ZNF626: variants seen among roughly 807,000 people sequenced by gnomAD.
ZNF626 encodes zinc finger protein 626, also known as CTC-513N18.7.
Under a neutral mutation model 11.7 loss-of-function variants are expected in ZNF626, and 4 were observed. The observed-to-expected ratio is 0.34, with a 90% CI of 0.17 to 0.78. The LOEUF is 0.78. Among genes scored for constraint, ZNF626 ranks in the 30% least tolerant of loss-of-function variants. ZNF626 has a pLI of 0.57. For synonymous variants in ZNF626, 179 were observed against 198.6 expected (o/e 0.90, Z 0.83); for missense variants, 588 against 587.1 (o/e 1.00, Z -0.01).
At chr19:20,648,306 A>G (rs782659086) in intron 1 of ZNF626, among the ~76,000 whole-genome samples, 21 of 152,180 alleles carry the variant, frequency 1.4e-4, no homozygotes, top group Non-Finnish European at 2.4e-4. Flanking sequence ...ATCTCCTAAT[A>G]ATTTTTTTCA....
In ZNF626 at chr19:20,624,928, C is replaced by T. The variant is rs782433701; in HGVS notation, c.949G>A (p.Glu317Lys). ...HTGEKPYKCE[E>K]CDKAFKYSYT... Reference sequence around the variant, plus strand: ...GAGTACTTAAAGGCTTTGTCACATTCTTCACATTTGTAGGGTTTTTCTCCA... The same window carrying T: ...GAGTACTTAAAGGCTTTGTCACATTTTTCACATTTGTAGGGTTTTTCTCCA... The change falls in exon 4 of 4, where the codon GAA becomes AAA. Residue 317 changes from glutamate to lysine, a missense_variant. This residue lies in a region of ZNF626 where 524 missense variants were observed against 470.1 expected (regional missense o/e 1.11). Transcript: ENST00000601440. The T allele has an allele frequency of 8.7e-6, 14 of 1,613,554 alleles. No homozygotes were observed. The highest frequency in any genetic ancestry group is 1.1e-5 in the Non-Finnish European group (13 of 1,179,958).
intron 3 of ZNF626, among the ~76,000 whole-genome samples, chr19:20,638,385 A>G (rs1056902657): frequency 6.6e-6 from 1 of 151,606 alleles, no homozygotes; most frequent in African/African-American, 2.4e-5. Context: ...AGATTGCACC[A>G]CTGCACTGCA....
intron 3 of ZNF626, among the ~76,000 whole-genome samples, chr19:20,632,612 C>A (rs189045538): frequency 4.3e-4 from 66 of 152,304 alleles, no homozygotes; most frequent in Non-Finnish European, 3.8e-4. Flanking sequence ...CGTCACATAG[C>A]TCTCGTGCCT....
chr19:20,658,411 C>T (rs1970228601), intron 1 of ZNF626, among the ~76,000 whole-genome samples: 2 of 152,150 alleles, frequency 1.3e-5, no homozygotes, highest in South Asian at 4.1e-4. Flanking sequence ...GTGCCCAGTA[C>T]TGGGAGGAGT....
At chr19:20,648,291 C>G (rs1293647491) in intron 1 of ZNF626, among the ~76,000 whole-genome samples, 2 of 151,756 alleles carry the variant, frequency 1.3e-5, no homozygotes, top group African/African-American at 4.8e-5. Flanking sequence ...TCCTAAAGAG[C>G]AGGTATCTCC....
Position 20,661,520 on chromosome 19 carries a change from C to T in ZNF626, c.-74G>A. On this transcript the variant is annotated 5_prime_UTR_variant, in exon 1 of 4. Transcript: ENST00000601440. ...CCTGCAGGACACGGGGCCACACAGC[C>T]TGGGCCTTTAGGAGAAGAACCAGAC... is the stretch of plus-strand genomic sequence containing the variant. The T allele has an allele frequency of 6.6e-7, 1 of 1,520,966 alleles. No individual in the cohort carries two copies. The highest frequency in any genetic ancestry group is 8.8e-7 in the Non-Finnish European group (1 of 1,137,054). 94.2% of individuals were successfully genotyped at this position (1,520,966 alleles called of 1,614,324 possible).
At chr19:20,647,876 G>A (rs1017467374) in intron 1 of ZNF626, among the ~76,000 whole-genome samples, 5 of 151,936 alleles carry the variant, frequency 3.3e-5, no homozygotes, top group Admixed American at 6.6e-5. Flanking sequence ...ATTATAGTCC[G>A]AATGTAACCA....
chr19:20,627,330 G>T (rs1311447590), intron 3 of ZNF626, among the ~76,000 whole-genome samples: 1 of 48,754 alleles, frequency 2.1e-5, no homozygotes, highest in Non-Finnish European at 3.5e-5. Context: ...TAATGATGAA[G>T]AATTTTTGTA....
chr19:20,635,006 T>C (rs1555770793), intron 3 of ZNF626, among the ~76,000 whole-genome samples: 2 of 152,232 alleles, frequency 1.3e-5, no homozygotes. Context: ...ACAATACAAA[T>C]TTCTGTCATC....
At chr19:20,656,581 A>T (rs1970208027) in intron 1 of ZNF626, among the ~76,000 whole-genome samples, 1 of 152,198 alleles carries the variant, frequency 6.6e-6, no homozygotes, top group African/African-American at 2.4e-5. Context: ...AAGAATTTAA[A>T]CAAGTTTACA....
At chr19:20,652,890 T>G (rs549933045) in intron 1 of ZNF626, among the ~76,000 whole-genome samples, 1 of 152,186 alleles carries the variant, frequency 6.6e-6, no homozygotes, top group Admixed American at 6.5e-5. Context: ...ACATGTCTAC[T>G]CACTACACAC....
At position 20,623,992 on chromosome 19, in the gene ZNF626, G is replaced by C. The variant is rs183793058; in HGVS notation, c.*298C>G. 282 of 552,698 alleles carry C rather than the reference G, an allele frequency of 5.1e-4. 6 individuals carry two copies. The East Asian group carries it at 9.6e-3, about 19-fold the overall frequency. 34.2% of individuals were successfully genotyped at this position (552,698 alleles called of 1,614,324 possible). ...GTTAGAAATTGAGGGCTGGTTAAAA[G>C]ATTTTCCCCATTCATCACATTCACA... On this transcript the variant is annotated 3_prime_UTR_variant, in exon 4 of 4. Coordinates refer to ENST00000601440, the MANE Select transcript of ZNF626 (RefSeq NM_001076675.3).
intron 3 of ZNF626, among the ~76,000 whole-genome samples, chr19:20,630,599 T>C (rs1159092690): frequency 1.3e-5 from 2 of 152,138 alleles, no homozygotes; most frequent in Non-Finnish European, 2.9e-5. Flanking sequence ...GATGGTAGTT[T>C]GTATTTCTGT....
chr19:20,626,846 C>A (rs1233140728), intron 3 of ZNF626, among the ~76,000 whole-genome samples: 1 of 151,964 alleles, frequency 6.6e-6, no homozygotes, highest in South Asian at 2.1e-4. Context: ...AAAAACCCAT[C>A]TCTGCTAAAA....
At chr19:20,649,447 G>A (rs891105309) in intron 1 of ZNF626, among the ~76,000 whole-genome samples, 4 of 152,070 alleles carry the variant, frequency 2.6e-5, no homozygotes, top group Non-Finnish European at 4.4e-5. Context: ...CCTACCAAAC[G>A]CAAACAGAAC....
chr19:20,630,309 G>A (rs1969888267), intron 3 of ZNF626, among the ~76,000 whole-genome samples: 1 of 152,256 alleles, frequency 6.6e-6, no homozygotes, highest in South Asian at 2.1e-4. Flanking sequence ...GAGTTAGGGA[G>A]GATTCCCTCT....
rs560349780 is a variant in ZNF626 at position 20,623,433 on chromosome 19, A to G, written c.*857T>C. The G allele has an allele frequency of 2.0e-5, 3 of 152,506 alleles. No homozygotes were observed. The highest frequency in any genetic ancestry group is 3.9e-4 in the East Asian group (2 of 5,174). 9.4% of individuals were successfully genotyped at this position (152,506 alleles called of 1,614,324 possible). On this transcript the variant is annotated 3_prime_UTR_variant, in exon 4 of 4. Transcript: ENST00000601440. ...TGTATAGAAAGGATGGAAGTGTTGA[A>G]AAAAGCACTGTCACATCTTTCAGGT...
intron 3 of ZNF626, among the ~76,000 whole-genome samples, chr19:20,642,592 T>C (rs918608990): frequency 4.6e-5 from 7 of 151,970 alleles, no homozygotes; most frequent in African/African-American, 1.7e-4. Flanking sequence ...CGAAACTTCC[T>C]CTCAAAACAA....
chr19:20,629,610 A>G (rs1969880217), intron 3 of ZNF626, among the ~76,000 whole-genome samples: 1 of 152,134 alleles, frequency 6.6e-6, no homozygotes, highest in Non-Finnish European at 1.5e-5. Flanking sequence ...AATGCTTGTG[A>G]TTTTTGTACA....
Sources: allele counts gnomAD v4.1 joint callset (sites outside exome capture counted in the v4.1 genomes callset), GRCh38; gene constraint gnomAD v4.1.1; regional missense constraint gnomAD v4.1.1; transcripts MANE v1.5; gene names NCBI Gene and HGNC (gene_info 2026-07-23, HGNC 2026-07-21).